The following ZNF462 variants were observed in gnomAD, a reference collection of about 807,000 sequenced individuals.
ZNF462 encodes zinc finger protein 462.
In ZNF462, 10 loss-of-function variants were observed where a neutral mutation model predicts 201.9. The observed-to-expected ratio is 0.05, with a 90% CI of 0.03 to 0.08. The LOEUF (loss-of-function observed/expected upper bound fraction) is 0.08. Ranked by LOEUF, ZNF462 falls within the 10% of genes least tolerant of loss-of-function variation. The probability of loss-of-function intolerance (pLI) is 1.00; values close to 1 mark genes in which losing one functional copy is unlikely to be tolerated. For synonymous variants in ZNF462, 1,227 were observed against 1,193.3 expected (o/e 1.03, Z -0.58); for missense variants, 2,523 against 3,168.3 (o/e 0.80, Z 4.89).
At chr9:106,942,885 A>G (rs527730302) in intron 7 of ZNF462, among the ~76,000 whole-genome samples, 1 of 152,236 alleles carries the variant, frequency 6.6e-6, no homozygotes, top group South Asian at 2.1e-4. Context: ...TCCTCCCTCT[A>G]GTTTCTCCCG....
rs1465130113 is a variant in ZNF462, at chr9:106,981,726, G to A, written c.6833-2460G>A. 6.6e-6 allele frequency among the ~76,000 whole-genome samples: 1 copy of A among 152,118 alleles called. No homozygotes were observed. Among genetic ancestry groups the A allele is most frequent in the Non-Finnish European group, 1.5e-5 (1 of 68,024 alleles). ...AACTGCAAAGAAAACCAACCTAAGT[G>A]GTAGAGGAATTGAAAAGGAGGCTCA... On this transcript the variant is annotated intron_variant, in intron 9 of 12. Coordinates refer to ENST00000277225, the MANE Select transcript of ZNF462 (RefSeq NM_021224.6). The surrounding 1 kb of genome is among the most constrained non-coding windows in gnomAD (Gnocchi z 4.0).
chr9:106,902,687 T>C lies in ZNF462; in HGVS notation c.-30-20667T>C, dbSNP rs1442646057. On this transcript the variant is annotated intron_variant, in intron 1 of 12. Coordinates refer to ENST00000277225, the MANE Select transcript of ZNF462 (RefSeq NM_021224.6). This position sits in a 1 kb window ranked among gnomAD's most constrained non-coding sequence, Gnocchi z 4.2. Reference sequence around the variant, plus strand: ...TTTCCAGGAATTTATCCATCTCTCCTAGGTTTTCTAGTTTATGTGCATAAA... The same window carrying C: ...TTTCCAGGAATTTATCCATCTCTCCCAGGTTTTCTAGTTTATGTGCATAAA... Among the ~76,000 whole-genome samples, 1 of 152,198 alleles carries C rather than the reference T, an allele frequency of 6.6e-6. No individual in the cohort carries two copies. Among genetic ancestry groups the C allele is most frequent in the Non-Finnish European group, 1.5e-5 (1 of 68,032 alleles).
chr9:106,939,819 C>T (rs1830790172), intron 7 of ZNF462, among the ~76,000 whole-genome samples: 1 of 152,178 alleles, frequency 6.6e-6, no homozygotes, highest in East Asian at 1.9e-4. Flanking sequence ...TTTTATAAGA[C>T]CAGGAAGCAG....
chr9:106,868,913 G>T (rs1377143689), intron 1 of ZNF462, among the ~76,000 whole-genome samples: 1 of 152,168 alleles, frequency 6.6e-6, no homozygotes, highest in Non-Finnish European at 1.5e-5. Context: ...ACGTTGGGGA[G>T]CCCAGGGTTG....
Position 106,938,853 on chromosome 9 carries a change from C to T in ZNF462, c.6236-63C>T. ...GTTAACTGAGTTATCTTGTTTCCAC[C>T]CTGGCCTTATACCCTTCTCCCCTCT... On this transcript the variant is annotated intron_variant, in intron 6 of 12. Transcript: ENST00000277225. The surrounding 1 kb of genome is among the most constrained non-coding windows in gnomAD (Gnocchi z 4.4). The T allele has an allele frequency of 6.7e-7, 1 of 1,484,802 alleles. No individual in the cohort carries two copies. The highest frequency in any genetic ancestry group is 2.3e-5 in the East Asian group (1 of 42,930). The allele number at this position is 1,484,802 out of a possible 1,614,324, so 92.0% of individuals were successfully genotyped here. A position where few individuals can be genotyped will look rare whatever the true frequency, so the allele number is the denominator to read the frequency against.
rs1199262371 is a variant in ZNF462, at chr9:106,935,231, G to A, written c.6117-272G>A. Among the ~76,000 whole-genome samples, 1 of 152,000 alleles carries A rather than the reference G, an allele frequency of 6.6e-6. No homozygotes were observed. Among genetic ancestry groups the A allele is most frequent in the Non-Finnish European group, 1.5e-5 (1 of 67,992 alleles). ...TCCAATGATCAGAGCTCTAAGAAGG[G>A]ACAATAAAGATTCTTACCATGACCT... On this transcript the variant is annotated intron_variant, in intron 5 of 12. Transcript: ENST00000277225. The surrounding 1 kb of genome is among the most constrained non-coding windows in gnomAD (Gnocchi z 4.1).
chr9:106,902,762 A>G lies in ZNF462; in HGVS notation c.-30-20592A>G, dbSNP rs758685064. Among the ~76,000 whole-genome samples, 1 of 151,996 alleles carries G rather than the reference A, an allele frequency of 6.6e-6. No individual in the cohort carries two copies. The highest frequency in any genetic ancestry group is 1.5e-5 in the Non-Finnish European group (1 of 67,948). On this transcript the variant is annotated intron_variant, in intron 1 of 12. Transcript: ENST00000277225. This position sits in a 1 kb window ranked among gnomAD's most constrained non-coding sequence, Gnocchi z 4.2. ...TCTTTTTGTATTTCTGTGGTATCAG[A>G]TGTAATATCACCTGTTTTGTTTCTT... is the stretch of plus-strand genomic sequence containing the variant.
intron 9 of ZNF462, among the ~76,000 whole-genome samples, chr9:106,983,456 A>C (rs534015420): frequency 6.6e-6 from 1 of 152,324 alleles, no homozygotes; most frequent in South Asian, 2.1e-4. Flanking sequence ...GTTTGCTTTC[A>C]GACTTGATAT....
intron 1 of ZNF462, among the ~76,000 whole-genome samples, chr9:106,910,362 GTTTTTT>G (rs1011376719): frequency 1.1e-4 from 7 of 64,796 alleles, no homozygotes; most frequent in Admixed American, 5.2e-4. Flanking sequence ...CCTTGTTTTA[GTTTTTT>G]TTTTTTTTTT....
At position 106,978,694 on chromosome 9, in the gene ZNF462, A is replaced by G. The variant is rs1411933312; in HGVS notation, c.6832+4421A>G. ...AACAAATATTTATTGAACACCCACT[A>G]TATGCCAGCCTTATTTTGTTTTTGG... On this transcript the variant is annotated intron_variant, in intron 9 of 12. Coordinates refer to ENST00000277225, the MANE Select transcript of ZNF462 (RefSeq NM_021224.6). The surrounding 1 kb of genome is among the most constrained non-coding windows in gnomAD (Gnocchi z 4.1). 6.6e-6 allele frequency: 1 copy of G among 152,118 alleles called. No homozygotes were observed. Among genetic ancestry groups the G allele is most frequent in the East Asian group, 1.9e-4 (1 of 5,226 alleles). 9.4% of individuals were successfully genotyped at this position (152,118 alleles called of 1,614,324 possible). A position where few individuals can be genotyped will look rare whatever the true frequency, so the allele number is the denominator to read the frequency against.
chr9:106,916,015 A>G (rs1447566381), intron 1 of ZNF462, among the ~76,000 whole-genome samples: 1 of 152,214 alleles, frequency 6.6e-6, no homozygotes, highest in Non-Finnish European at 1.5e-5. Context: ...GCAAATGATG[A>G]GCATACAAAA....
At chr9:106,931,598 A>G (rs1453165920) in intron 4 of ZNF462, among the ~76,000 whole-genome samples, 1 of 152,178 alleles carries the variant, frequency 6.6e-6, no homozygotes, top group Non-Finnish European at 1.5e-5. Context: ...TTTCTTTCAG[A>G]CACCACTGCG....
intron 1 of ZNF462, among the ~76,000 whole-genome samples, chr9:106,882,028 A>G (rs974202963): frequency 1.3e-5 from 2 of 152,182 alleles, no homozygotes; most frequent in African/African-American, 4.8e-5. Flanking sequence ...TAACAGTTTT[A>G]ATGTCTTACA....
rs772789822 is a variant in ZNF462 at position 106,895,847 on chromosome 9, A to G, written c.-30-27507A>G. Among the ~76,000 whole-genome samples, 4 of 152,092 alleles carry G rather than the reference A, an allele frequency of 2.6e-5. No individual in the cohort carries two copies. The highest frequency in any genetic ancestry group is 1.3e-4 in the Admixed American group (2 of 15,272). On this transcript the variant is annotated intron_variant, in intron 1 of 12. Transcript: ENST00000277225. This position sits in a 1 kb window ranked among gnomAD's most constrained non-coding sequence, Gnocchi z 4.4. ...TATGTATTGGGTTCTTCTTTCTTAC[A>G]TATGTTCATGGAATTATTCATAGAC...
chr9:106,923,446 A>G lies in ZNF462; in HGVS notation c.63A>G (p.Ala21=). The change falls in exon 2 of 13, where the codon GCA becomes GCG. Residue 21 remains alanine, a synonymous_variant. Coordinates refer to ENST00000277225, the MANE Select transcript of ZNF462 (RefSeq NM_021224.6). The surrounding 1 kb of genome is among the most constrained non-coding windows in gnomAD (Gnocchi z 5.6). Reference sequence around the variant, plus strand: ...CCCCGTCTTATGAAGATCTCAAGGCACACATTCAGGATGTCCACACGGCAT... The same window carrying G: ...CCCCGTCTTATGAAGATCTCAAGGCGCACATTCAGGATGTCCACACGGCAT... ...FRAPSYEDLK[A]HIQDVHTAFL... 1 of 1,614,206 alleles carries G rather than the reference A, an allele frequency of 6.2e-7. No individual in the cohort carries two copies. Among genetic ancestry groups the G allele is most frequent in the South Asian group, 1.1e-5 (1 of 91,078 alleles).
intron 1 of ZNF462, among the ~76,000 whole-genome samples, chr9:106,899,514 C>T (rs901349614): frequency 6.6e-6 from 1 of 152,020 alleles, no homozygotes; most frequent in Non-Finnish European, 1.5e-5. Context: ...GGAAGGGAAA[C>T]CCTGAGAGAA....
intron 10 of ZNF462, among the ~76,000 whole-genome samples, chr9:106,998,594 C>G (rs1294413141): frequency 6.6e-6 from 1 of 151,886 alleles, no homozygotes; most frequent in East Asian, 1.9e-4. Flanking sequence ...CACCTCATCT[C>G]ACTTTTATTT....
rs1355213825 is a variant in ZNF462, at chr9:106,865,004, G to C, written c.-31+1649G>C. Among the ~76,000 whole-genome samples the C allele has an allele frequency of 6.6e-6, 1 of 152,122 alleles. No homozygotes were observed. Among genetic ancestry groups the C allele is most frequent in the Non-Finnish European group, 1.5e-5 (1 of 68,008 alleles). ...ATGGATGTCTCCATTTTGAAGCTCT[G>C]TTGGTGATGGCTGGAGGAGGAGGAG... On this transcript the variant is annotated intron_variant, in intron 1 of 12. Transcript: ENST00000277225. This position sits in a 1 kb window ranked among gnomAD's most constrained non-coding sequence, Gnocchi z 4.1.
rs1829635143 is a variant in ZNF462 at position 106,913,463 on chromosome 9, ATTAC to A, written c.-30-9888_-30-9885del. Reference sequence around the variant, plus strand: ...GGGATATAAGAATAAAAAAGAACGTATTACTTGTCCTCTGAAGAGTGACTTATAG... The same window carrying A: ...GGGATATAAGAATAAAAAAGAACGTATTGTCCTCTGAAGAGTGACTTATAG... On this transcript the variant is annotated intron_variant, in intron 1 of 12. Coordinates refer to ENST00000277225, the MANE Select transcript of ZNF462 (RefSeq NM_021224.6). The surrounding 1 kb of genome is among the most constrained non-coding windows in gnomAD (Gnocchi z 4.1). 6.6e-6 allele frequency among the ~76,000 whole-genome samples: 1 copy of A among 152,172 alleles called. No individual in the cohort carries two copies. The highest frequency in any genetic ancestry group is 1.5e-5 in the Non-Finnish European group (1 of 68,030).
Sources: gnomAD v4.1 joint callset for allele counts (sites outside exome capture counted in the v4.1 genomes callset) on GRCh38, gnomAD v4.1.1 for gene constraint, Gnocchi (gnomAD v3.1) non-coding constraint, MANE v1.5 for transcripts, NCBI Gene and HGNC (gene_info 2026-07-23, HGNC 2026-07-21) for gene names.